Variants in NCKAP1 observed in about 807,000 individuals in gnomAD.
NCKAP1 encodes nck-associated protein 1.
Under a neutral mutation model 151.2 loss-of-function variants are expected in NCKAP1, and 21 were observed. The ratio of observed to expected loss-of-function variants is 0.14; its 90% CI spans 0.10 to 0.20. The LOEUF (loss-of-function observed/expected upper bound fraction) is 0.20. Ranked by LOEUF, NCKAP1 falls within the 10% of genes least tolerant of loss-of-function variation. The pLI, the probability that NCKAP1 is intolerant of heterozygous loss-of-function variation, is 1.00. For synonymous variants in NCKAP1, 484 were observed against 451.8 expected (o/e 1.07, Z -0.90); for missense variants, 933 against 1,352.1 (o/e 0.69, Z 4.86).
chr2:182,960,870 TCAAA>T (rs1697433217), intron 18 of NCKAP1, among the ~76,000 whole-genome samples: 1 of 151,546 alleles, frequency 6.6e-6, no homozygotes, highest in Non-Finnish European at 1.5e-5. Flanking sequence ...TACAATGAAC[TCAAA>T]CAAATATACA....
intron 1 of NCKAP1, among the ~76,000 whole-genome samples, chr2:183,037,149 G>C (rs1699117475): frequency 6.6e-6 from 1 of 152,198 alleles, no homozygotes; most frequent in South Asian, 2.1e-4. Context: ...CTGAGGACAT[G>C]TAAAAGCCTT....
chr2:182,995,738 G>A lies in NCKAP1; in HGVS notation c.704C>T (p.Ala235Val). Residue 235 changes from alanine to valine, a missense_variant, in exon 7 of 31, where the codon GCA becomes GTA. Coordinates refer to ENST00000361354, the MANE Select transcript of NCKAP1 (RefSeq NM_013436.5). ...TGCTGGATTAAGCATTGTACTAGGTGCACTGATGAGGCTCAATAACTGGGC... is the reference window on the plus strand; with the variant it reads ...TGCTGGATTAAGCATTGTACTAGGTACACTGATGAGGCTCAATAACTGGGC... The part of the protein sequence containing the change: ...RNAQLLSLIS[A>V]PSTMLNPAQS... 2 of 1,613,872 alleles carry A rather than the reference G, an allele frequency of 1.2e-6. No individual in the cohort carries two copies. The highest frequency in any genetic ancestry group is 1.7e-6 in the Non-Finnish European group (2 of 1,179,816).
intron 26 of NCKAP1, among the ~76,000 whole-genome samples, chr2:182,931,784 A>G (rs1696769914): frequency 1.3e-5 from 2 of 152,306 alleles, no homozygotes; most frequent in African/African-American, 4.8e-5. Context: ...ACTCACAAAT[A>G]GAAAAAGACA....
rs1224009366 is a variant in NCKAP1 at position 182,995,032 on chromosome 2, A to G, written c.742-145T>C. ...CACAACAAATTTGAAGAGCTGGATAAAAGTTTTATTACCTATACTGAAACT... is the reference window on the plus strand; with the variant it reads ...CACAACAAATTTGAAGAGCTGGATAGAAGTTTTATTACCTATACTGAAACT... On this transcript the variant is annotated intron_variant, in intron 7 of 30. Coordinates refer to ENST00000361354, the MANE Select transcript of NCKAP1 (RefSeq NM_013436.5). 1.2e-5 allele frequency: 8 copies of G among 655,858 alleles called. No individual in the cohort carries two copies. The East Asian group carries it at 1.4e-4, about 12-fold the overall frequency. The allele number at this position is 655,858 out of a possible 1,614,324, so 40.6% of individuals were successfully genotyped here.
chr2:182,986,073 A>G, intron 10 of NCKAP1, 98 bp downstream of exon 10: 3 of 1,094,050 alleles, frequency 2.7e-6, no homozygotes, highest in East Asian at 5.1e-5. Context: ...TTCTACTACC[A>G]TATCTTGCAT....
intron 1 of NCKAP1, among the ~76,000 whole-genome samples, chr2:183,027,586 G>A (rs1403224870): frequency 6.6e-6 from 1 of 152,110 alleles, no homozygotes; most frequent in Non-Finnish European, 1.5e-5. Context: ...TGGGCATGGT[G>A]GCTCACAACT....
At chr2:183,028,819 A>G (rs1698948568) in intron 1 of NCKAP1, among the ~76,000 whole-genome samples, 1 of 152,206 alleles carries the variant, frequency 6.6e-6, no homozygotes, top group Admixed American at 6.5e-5. Flanking sequence ...GATTTTCCAT[A>G]AAAACAATTC....
At chr2:183,002,946 T>C (rs1241426125) in intron 4 of NCKAP1, 28 bp downstream of exon 4, 2 of 1,565,050 alleles carry the variant, frequency 1.3e-6, no homozygotes, top group Admixed American at 3.4e-5. Flanking sequence ...ACAGAATAAT[T>C]GGACATTTTT....
intron 1 of NCKAP1, among the ~76,000 whole-genome samples, chr2:183,028,198 T>C (rs1352353999): frequency 1.3e-5 from 2 of 151,718 alleles, no homozygotes; most frequent in East Asian, 3.9e-4. Context: ...AAAAAAAAAC[T>C]TTTTCAGAGA....
chr2:183,003,565 T>G (rs771364808), intron 2 of NCKAP1, among the ~76,000 whole-genome samples: 1 of 151,936 alleles, frequency 6.6e-6, no homozygotes, highest in African/African-American at 2.4e-5. Context: ...GCGCTACTAT[T>G]AAGGAAAATC....
intron 18 of NCKAP1, among the ~76,000 whole-genome samples, chr2:182,960,123 G>A (rs1363596609): frequency 6.6e-6 from 1 of 152,142 alleles, no homozygotes; most frequent in Non-Finnish European, 1.5e-5. Flanking sequence ...TCATGGGTAG[G>A]AAGAATCAAT....
chr2:183,037,967 C>A (rs1217920718), intron 1 of NCKAP1, 25 bp downstream of exon 1: 7 of 1,557,026 alleles, frequency 4.5e-6, no homozygotes, highest in Non-Finnish European at 6.0e-6. Flanking sequence ...CCGCCTCCGC[C>A]GCGGCCTCCC....
At chr2:182,951,708 G>A (rs6732015) in intron 23 of NCKAP1, among the ~76,000 whole-genome samples, 29,883 of 148,968 alleles carry the variant, frequency 0.2, 3,364 homozygotes, top group African/African-American at 0.28. Flanking sequence ...AAGCTTTTAC[G>A]AAGAAAATGT....
At chr2:183,033,570 T>C (rs180769609) in intron 1 of NCKAP1, among the ~76,000 whole-genome samples, 11 of 152,304 alleles carry the variant, frequency 7.2e-5, no homozygotes, top group Admixed American at 4.6e-4. Flanking sequence ...ATTTCCCTCA[T>C]GCCAGGGAAC....
At chr2:183,030,077 AAT>A (rs1698977423) in intron 1 of NCKAP1, among the ~76,000 whole-genome samples, 1 of 152,152 alleles carries the variant, frequency 6.6e-6, no homozygotes, top group African/African-American at 2.4e-5. Context: ...ACTATCTAAA[AAT>A]ATATGTCCCC....
At chr2:182,995,432 A>G (rs1431746826) in intron 7 of NCKAP1, among the ~76,000 whole-genome samples, 1 of 152,140 alleles carries the variant, frequency 6.6e-6, no homozygotes. Flanking sequence ...TTATACTTCA[A>G]ATTTTTCTAC....
At chr2:183,000,874 C>T (rs1698361976) in intron 6 of NCKAP1, among the ~76,000 whole-genome samples, 1 of 152,080 alleles carries the variant, frequency 6.6e-6, no homozygotes, top group African/African-American at 2.4e-5. Flanking sequence ...GGGTGGATTG[C>T]CTGAGCTCAG....
intron 3 of NCKAP1, 101 bp from the exon 4 acceptor site, chr2:183,003,131 A>C: frequency 7.7e-7 from 1 of 1,299,510 alleles, no homozygotes; most frequent in Non-Finnish European, 1.1e-6. Context: ...GTTCTGGAAG[A>C]ATTTCAATTT....
intron 8 of NCKAP1, among the ~76,000 whole-genome samples, chr2:182,993,395 G>C (rs1698206167): frequency 1.3e-5 from 2 of 152,114 alleles, no homozygotes; most frequent in Non-Finnish European, 2.9e-5. Flanking sequence ...AATAAATCAA[G>C]AACAAAACCT....
Sources: gnomAD v4.1 joint callset for allele counts (sites outside exome capture counted in the v4.1 genomes callset) on GRCh38, gnomAD v4.1.1 for gene constraint, MANE v1.5 for transcripts, NCBI Gene and HGNC (gene_info 2026-07-23, HGNC 2026-07-21) for gene names.